ZDHHC9: variants seen among roughly 807,000 people sequenced by gnomAD.
The protein encoded by ZDHHC9 is palmitoyltransferase ZDHHC9.
A neutral mutation model predicts 26.6 loss-of-function variants in ZDHHC9; 3 were observed. That is an observed-to-expected ratio of 0.11 (90% CI 0.05 to 0.29). ZDHHC9 has a LOEUF of 0.29. Among genes scored for constraint, ZDHHC9 ranks in the 10% least tolerant of loss-of-function variants. The probability of loss-of-function intolerance (pLI) is 1.00; values close to 1 mark genes in which losing one functional copy is unlikely to be tolerated. For missense variants in ZDHHC9, 146 were observed against 296.4 expected, an observed-to-expected ratio of 0.49 and a Z score of 3.73; for synonymous variants, 111 against 109.4, an observed-to-expected ratio of 1.01 and a Z score of -0.09.
intron 3 of ZDHHC9, among the ~76,000 whole-genome samples, chrX:129,840,367 C>T (rs1036181999): frequency 9.0e-6 from 1 of 111,185 alleles, no homozygotes; most frequent in African/African-American, 3.3e-5. Flanking sequence ...CAAGAAGAAG[C>T]AGGACAGGAA....
chrX:129,806,229 G>T lies in ZDHHC9; in HGVS notation c.*141C>A. On this transcript the variant is annotated 3_prime_UTR_variant, in exon 11 of 11. Coordinates refer to ENST00000357166, the MANE Select transcript of ZDHHC9 (RefSeq NM_016032.4). ...AAAAGCTTGCAGCAAGAAAATGCCA[G>T]TGTGCAACTGGGTGACTAAAGACCA... 1.7e-6 allele frequency: 1 copy of T among 572,541 alleles called. No individual in the cohort carries two copies. The highest frequency in any genetic ancestry group is 3.0e-6 in the Non-Finnish European group (1 of 328,131). The allele number at this position is 572,541 out of a possible 1,213,427, so 47.2% of individuals were successfully genotyped here. A position where few individuals can be genotyped will look rare whatever the true frequency, so the allele number is the denominator to read the frequency against.
intron 7 of ZDHHC9, 136 bp downstream of exon 7, chrX:129,813,541 T>C (rs779221649): frequency 2.6e-5 from 17 of 664,749 alleles, no homozygotes; most frequent in Non-Finnish European, 3.5e-5. Flanking sequence ...ACTAAGACTA[T>C]ATTTTTTTAA....
intron 5 of ZDHHC9, among the ~76,000 whole-genome samples, chrX:129,822,397 GA>G (rs1308252080): frequency 1.1e-5 from 1 of 90,331 alleles, no homozygotes; most frequent in African/African-American, 4.3e-5. Context: ...AGTGGGAGTT[GA>G]ACAATGAGAA....
At chrX:129,806,544 GATAAACCTT>G in intron 10 of ZDHHC9, 58 bp from the exon 11 acceptor site, 1 of 1,055,161 alleles carries the variant, frequency 9.5e-7, no homozygotes, top group South Asian at 1.9e-5. Context: ...TCCAAATGCA[GATAAACCTT>G]AGACACTGAA....
chrX:129,816,567 C>A (rs1295641788), intron 5 of ZDHHC9, among the ~76,000 whole-genome samples: 1 of 111,505 alleles, frequency 9.0e-6, no homozygotes, highest in South Asian at 3.7e-4. Flanking sequence ...TACCATAAAA[C>A]CTATATTTAA....
At chrX:129,823,300 G>A (rs938966701) in intron 5 of ZDHHC9, 4 of 198,158 alleles carry the variant, frequency 2.0e-5, no homozygotes, top group Admixed American at 7.1e-5. Context: ...CTTGGGTTGC[G>A]TCTTAGACAG....
chrX:129,833,096 A>G (rs1357656800), intron 3 of ZDHHC9, among the ~76,000 whole-genome samples: 3 of 111,652 alleles, frequency 2.7e-5, no homozygotes, highest in African/African-American at 9.8e-5. Flanking sequence ...ACTCTCCTGT[A>G]TTCAAAGTAC....
At chrX:129,812,884 T>C in intron 7 of ZDHHC9, 64 bp from the exon 8 acceptor site, 1 of 776,375 alleles carries the variant, frequency 1.3e-6, no homozygotes, top group South Asian at 2.1e-5. Flanking sequence ...TCCGCCCATA[T>C]TCAGAGCACC....
chrX:129,825,111 T>C (rs1927984227), intron 4 of ZDHHC9, among the ~76,000 whole-genome samples: 1 of 111,149 alleles, frequency 9.0e-6, no homozygotes, highest in African/African-American at 3.3e-5. Flanking sequence ...GAGACCAGTC[T>C]GGCCAACATG....
chrX:129,832,162 T>A (rs750017137), intron 3 of ZDHHC9, among the ~76,000 whole-genome samples: 1 of 108,377 alleles, frequency 9.2e-6, no homozygotes, highest in Non-Finnish European at 1.9e-5. Flanking sequence ...ATATATATCT[T>A]TATATATATA....
chrX:129,818,086 T>C (rs1199700827), intron 5 of ZDHHC9, among the ~76,000 whole-genome samples: 1 of 111,803 alleles, frequency 8.9e-6, no homozygotes, highest in East Asian at 2.8e-4. Flanking sequence ...TAAAGTTAAA[T>C]GAGGTCATCT....
intron 8 of ZDHHC9, 80 bp from the exon 9 acceptor site, chrX:129,811,589 CAAAA>C (rs1415074978): frequency 1.9e-4 from 147 of 785,130 alleles, no homozygotes; most frequent in Admixed American, 4.7e-4. Flanking sequence ...AAAACAGACA[CAAAA>C]AAGAAAAATA....
chrX:129,825,910 G>A (rs191114240), intron 4 of ZDHHC9, among the ~76,000 whole-genome samples: 12 of 111,398 alleles, frequency 1.1e-4, no homozygotes, highest in East Asian at 2.8e-4. Context: ...AGAACTACTG[G>A]GTCAAAGGGT....
intron 10 of ZDHHC9, 71 bp from the exon 11 acceptor site, chrX:129,806,557 C>A (rs777988785): frequency 1.2e-4 from 118 of 945,828 alleles, no homozygotes; most frequent in Non-Finnish European, 1.4e-4. Context: ...AAACCTTAGA[C>A]ACTGAACTCT....
chrX:129,829,209 A>T, intron 3 of ZDHHC9, 68 bp from the exon 4 acceptor site: 1 of 1,120,258 alleles, frequency 8.9e-7, no homozygotes, highest in African/African-American at 1.8e-5. Context: ...TGTTACCAGT[A>T]TGTCAATCTG....
At position 129,841,929 on chromosome X, in the gene ZDHHC9, A is replaced by G. The variant is rs1806595600; in HGVS notation, c.17T>C (p.Val6Ala). ...CCATTTCCGTGTCACCTTCTTTCTC[A>G]CCACCATCACAGACATGATTGGAAT... Reference protein sequence around the residue: MSVMVVRKKVTRKWEK... With the variant: MSVMVARKKVTRKWEK... The change falls in exon 3 of 11, where the codon GTG (valine) becomes GCG (alanine). Residue 6 changes from valine to alanine, a missense_variant. Around this residue, in one of 2 missense-constraint regions of ZDHHC9, gnomAD observed 100 missense variants for 250.0 expected, o/e 0.40. Transcript: ENST00000357166. 8.3e-7 allele frequency: 1 copy of G among 1,211,017 alleles called. No homozygotes were observed. The highest frequency in any genetic ancestry group is 1.7e-5 in the African/African-American group (1 of 57,526).
intron 5 of ZDHHC9, among the ~76,000 whole-genome samples, chrX:129,816,227 C>A (rs1927754607): frequency 9.0e-6 from 1 of 111,579 alleles, no homozygotes; most frequent in South Asian, 3.7e-4. Flanking sequence ...ACGGTATTCA[C>A]AAAATATGAA....
chrX:129,834,082 C>A lies in ZDHHC9; in HGVS notation c.168-4941G>T, dbSNP rs142510634. 1.3e-3 allele frequency among the ~76,000 whole-genome samples: 146 copies of A among 111,592 alleles called. 3 individuals are homozygous for A. The East Asian group carries it at 0.038, about 29-fold the overall frequency. On this transcript the variant is annotated intron_variant, in intron 3 of 10. Coordinates refer to ENST00000357166, the MANE Select transcript of ZDHHC9 (RefSeq NM_016032.4). ...GGTGATTAGGTCACCTAAGGCTCCACCCTCATGAATGGGATTAGCATCCTT... is the reference window on the plus strand; with the variant it reads ...GGTGATTAGGTCACCTAAGGCTCCAACCTCATGAATGGGATTAGCATCCTT...
chrX:129,805,264 C>T lies in ZDHHC9; in HGVS notation c.*1106G>A, dbSNP rs907242893. 1 of 111,202 alleles carries T rather than the reference C, an allele frequency of 9.0e-6. No homozygotes were observed. Among genetic ancestry groups the T allele is most frequent in the Middle Eastern group, 4.7e-3 (1 of 215 alleles). 9.2% of individuals were successfully genotyped at this position (111,202 alleles called of 1,213,427 possible). ...GGCCGAGGCCTTAGGGTGAGTTACC[C>T]GAGAGGGCAGCAGTGCTGGGCTTTC... On this transcript the variant is annotated 3_prime_UTR_variant, in exon 11 of 11. Coordinates refer to ENST00000357166, the MANE Select transcript of ZDHHC9 (RefSeq NM_016032.4).
Sources: gnomAD v4.1 joint callset for allele counts (sites outside exome capture counted in the v4.1 genomes callset) on GRCh38, gnomAD v4.1.1 for gene constraint, gnomAD v4.1.1 regional missense constraint, MANE v1.5 for transcripts, NCBI Gene and HGNC (gene_info 2026-07-23, HGNC 2026-07-21) for gene names.